The following PIP5K1B variants were observed in gnomAD, a reference collection of about 807,000 sequenced individuals.
PIP5K1B encodes phosphatidylinositol-4-phosphate 5-kinase type 1 beta.
In PIP5K1B, 42 loss-of-function variants were observed where a neutral mutation model predicts 67.0. The ratio of observed to expected loss-of-function variants is 0.63; its 90% CI spans 0.49 to 0.81. PIP5K1B has a LOEUF of 0.81. Ranked by LOEUF, PIP5K1B falls within the 30% of genes least tolerant of loss-of-function variation. PIP5K1B has a pLI of 0.00. For synonymous variants in PIP5K1B, 214 were observed against 231.4 expected, an observed-to-expected ratio of 0.92 and a Z score of 0.68; for missense variants, 459 against 646.3, an observed-to-expected ratio of 0.71 and a Z score of 3.14.
chr9:68,875,322 A>C (rs1198781528), intron 5 of PIP5K1B, among the ~76,000 whole-genome samples: 3 of 149,194 alleles, frequency 2.0e-5, no homozygotes, highest in Non-Finnish European at 3.0e-5. Context: ...AAAAAAAAAA[A>C]AAAACAGTCA....
chr9:68,980,143 C>T lies in PIP5K1B; in HGVS notation c.1503-10997C>T, dbSNP rs185675573. Among the ~76,000 whole-genome samples, 4 of 152,288 alleles carry T rather than the reference C, an allele frequency of 2.6e-5. No individual in the cohort carries two copies. In the East Asian group the frequency reaches 7.7e-4, roughly 29 times the overall value. ...GATACTGTCCAGGCTGCAGCAGGAGCGCTAGTGCTAGTGCTTGAGAATTTC... is the reference window on the plus strand; with the variant it reads ...GATACTGTCCAGGCTGCAGCAGGAGTGCTAGTGCTAGTGCTTGAGAATTTC... On this transcript the variant is annotated intron_variant, in intron 14 of 15. Coordinates refer to ENST00000265382, the MANE Select transcript of PIP5K1B (RefSeq NM_003558.4).
intron 2 of PIP5K1B, among the ~76,000 whole-genome samples, chr9:68,775,792 T>A (rs1004290769): frequency 5.9e-5 from 9 of 152,224 alleles, no homozygotes; most frequent in Admixed American, 5.9e-4. Flanking sequence ...GAAGTCATAG[T>A]GTATGTATTC....
chr9:68,833,097 T>C (rs1834404824), intron 4 of PIP5K1B, among the ~76,000 whole-genome samples: 1 of 152,222 alleles, frequency 6.6e-6, no homozygotes, highest in South Asian at 2.1e-4. Context: ...AAGACAGACA[T>C]AGTCCCTGCC....
chr9:68,991,792 T>G (rs979681544), intron 15 of PIP5K1B, among the ~76,000 whole-genome samples: 1 of 152,218 alleles, frequency 6.6e-6, no homozygotes, highest in African/African-American at 2.4e-5. Context: ...CTTACAAGGC[T>G]GCTTTGAGGA....
chr9:68,859,777 C>T (rs1822968267), intron 4 of PIP5K1B, among the ~76,000 whole-genome samples: 1 of 152,214 alleles, frequency 6.6e-6, no homozygotes, highest in South Asian at 2.1e-4. Flanking sequence ...TCATGATTTA[C>T]TAATCTCATC....
chr9:68,706,847 AGACTTCT>A (rs1827149036), intron 1 of PIP5K1B, among the ~76,000 whole-genome samples: 1 of 151,914 alleles, frequency 6.6e-6, no homozygotes, highest in Non-Finnish European at 1.5e-5. Context: ...ATTCAGCCAG[AGACTTCT>A]CCCCTGTTCT....
chr9:68,983,812 C>T lies in PIP5K1B; in HGVS notation c.1503-7328C>T, dbSNP rs550958269. Among the ~76,000 whole-genome samples, 216 of 152,308 alleles carry T rather than the reference C, an allele frequency of 1.4e-3. 8 individuals are homozygous for T. Among genetic ancestry groups the T allele is most frequent in the Admixed American group, 0.011 (165 of 15,300 alleles). On this transcript the variant is annotated intron_variant, in intron 14 of 15. Coordinates refer to ENST00000265382, the MANE Select transcript of PIP5K1B (RefSeq NM_003558.4). Reference sequence around the variant, plus strand: ...CGGCAGGCAGCCAGACTCTTAAACTCTTGGCCTTTGGGATGATAACTTGAG... The same window carrying T: ...CGGCAGGCAGCCAGACTCTTAAACTTTTGGCCTTTGGGATGATAACTTGAG...
chr9:68,774,719 C>T (rs11143697), intron 2 of PIP5K1B, among the ~76,000 whole-genome samples: 16,500 of 152,188 alleles, frequency 0.11, 1,083 homozygotes, highest in Non-Finnish European at 0.16. Flanking sequence ...CCAAGACCCC[C>T]AGTGGATGCC....
chr9:69,004,634 C>G (rs1389743980), intron 15 of PIP5K1B, among the ~76,000 whole-genome samples: 2 of 152,142 alleles, frequency 1.3e-5, no homozygotes, highest in East Asian at 1.9e-4. Flanking sequence ...CAATAATGCC[C>G]TGAAGAGTCC....
intron 2 of PIP5K1B, chr9:68,779,964 C>G (rs763761082): frequency 3.3e-6 from 2 of 614,764 alleles, no homozygotes; most frequent in African/African-American, 1.9e-5. Flanking sequence ...TCCCCTACCA[C>G]TGCCGCGCAC....
chr9:68,861,852 C>T (rs897089723), intron 4 of PIP5K1B, among the ~76,000 whole-genome samples: 4 of 151,224 alleles, frequency 2.6e-5, no homozygotes, highest in Non-Finnish European at 5.9e-5. Flanking sequence ...TGCAGAGCTC[C>T]GAGAGGGAGC....
intron 14 of PIP5K1B, among the ~76,000 whole-genome samples, chr9:68,943,280 A>G (rs994937643): frequency 4.6e-5 from 7 of 152,154 alleles, no homozygotes; most frequent in African/African-American, 1.7e-4. Context: ...CTGCTCCTGT[A>G]GGTATGTCTG....
chr9:68,866,306 AAAAG>A (rs1192053429), intron 5 of PIP5K1B, among the ~76,000 whole-genome samples: 2 of 151,902 alleles, frequency 1.3e-5, no homozygotes, highest in Non-Finnish European at 2.9e-5. Flanking sequence ...AAAAAAAAAA[AAAAG>A]AAAAAAATTA....
At chr9:68,953,229 GT>G (rs1481622518) in intron 14 of PIP5K1B, among the ~76,000 whole-genome samples, 17 of 151,928 alleles carry the variant, frequency 1.1e-4, no homozygotes, top group Admixed American at 1.1e-3. Flanking sequence ...CTTCCACTGA[GT>G]TTTTAATTTC....
intron 5 of PIP5K1B, among the ~76,000 whole-genome samples, chr9:68,870,542 G>A (rs146624223): frequency 2.5e-4 from 38 of 152,266 alleles, no homozygotes; most frequent in African/African-American, 8.7e-4. Flanking sequence ...GAAACCAAGG[G>A]ATATCCACCT....
At chr9:68,964,651 A>G (rs945260162) in intron 14 of PIP5K1B, among the ~76,000 whole-genome samples, 1 of 152,246 alleles carries the variant, frequency 6.6e-6, no homozygotes, top group Non-Finnish European at 1.5e-5. Flanking sequence ...GGATTGTTCT[A>G]TATAAGGAAG....
intron 4 of PIP5K1B, among the ~76,000 whole-genome samples, chr9:68,828,527 C>T (rs891513681): frequency 6.6e-6 from 1 of 152,116 alleles, no homozygotes; most frequent in African/African-American, 2.4e-5. Flanking sequence ...AGACAGTTTC[C>T]TATCAGTGGA....
In PIP5K1B at chr9:68,889,036, C is replaced by G; in HGVS notation, c.374C>G (p.Ser125Cys). Residue 125 changes from serine (S) to cysteine (C), a missense_variant, in exon 7 of 16, where the codon TCC (serine) becomes TGC (cysteine). Transcript: ENST00000265382. ...IELSNPGASG[S>C]LFFVTSDDEF... ...CTGTCTAACCCTGGAGCCAGTGGAT[C>G]CTTGTTTTTTGTGACCAGTGATGAT... The G allele has an allele frequency of 1.2e-6, 2 of 1,612,572 alleles. No homozygotes were observed. The highest frequency in any genetic ancestry group is 2.2e-5 in the South Asian group (2 of 91,048).
chr9:68,822,719 G>A (rs371362419), intron 4 of PIP5K1B, 36 bp downstream of exon 4: 126 of 1,428,708 alleles, frequency 8.8e-5, no homozygotes, highest in Non-Finnish European at 1.0e-4. Context: ...GAGGAACACC[G>A]TTTTGCTGTT....
Sources: allele counts gnomAD v4.1 joint callset (sites outside exome capture counted in the v4.1 genomes callset), GRCh38; gene constraint gnomAD v4.1.1; transcripts MANE v1.5; gene names NCBI Gene and HGNC (gene_info 2026-07-23, HGNC 2026-07-21).